ARHGEF18: variants seen among roughly 807,000 people sequenced by gnomAD.
ARHGEF18 encodes Rho/Rac guanine nucleotide exchange factor 18.
Under a neutral mutation model 155.7 loss-of-function variants are expected in ARHGEF18, and 93 were observed. That is an observed-to-expected ratio of 0.60 (90% CI 0.50 to 0.71). The LOEUF (loss-of-function observed/expected upper bound fraction) is 0.71. ARHGEF18 is among the 30% of genes least tolerant of loss of function. The pLI, the probability that ARHGEF18 is intolerant of heterozygous loss-of-function variation, is 0.00. For synonymous variants in ARHGEF18, 742 were observed against 753.1 expected, an observed-to-expected ratio of 0.99 and a Z score of 0.24; for missense variants, 1,593 against 1,816.1, an observed-to-expected ratio of 0.88 and a Z score of 2.23.
At chr19:7,464,538 G>A in intron 22 of ARHGEF18, 22 bp from the exon 23 acceptor site, 1 of 1,600,680 alleles carries the variant, frequency 6.2e-7, no homozygotes, top group Admixed American at 1.7e-5. Flanking sequence ...GCATCCTCAT[G>A]CCCCTGGCTT....
chr19:7,462,415 C>T lies in ARHGEF18; in HGVS notation c.2635+81C>T. The T allele has an allele frequency of 7.0e-7, 1 of 1,429,986 alleles. No homozygotes were observed. The highest frequency in any genetic ancestry group is 9.2e-7 in the Non-Finnish European group (1 of 1,083,738). The allele number at this position is 1,429,986 out of a possible 1,614,324, so 88.6% of individuals were successfully genotyped here. On this transcript the variant is annotated intron_variant, in intron 21 of 28. Coordinates refer to ENST00000668164, the MANE Select transcript of ARHGEF18 (RefSeq NM_001367823.1). This position sits in a 1 kb window ranked among gnomAD's most constrained non-coding sequence, Gnocchi z 4.4. Reference sequence around the variant, plus strand: ...GGAACCCCAGGCCAGGCTCACGGCTCATTGTGGCCGACACGGCACCCTGTC... The same window carrying T: ...GGAACCCCAGGCCAGGCTCACGGCTTATTGTGGCCGACACGGCACCCTGTC...
At position 7,462,391 on chromosome 19, in the gene ARHGEF18, G is replaced by A; in HGVS notation, c.2635+57G>A. The A allele has an allele frequency of 6.7e-7, 1 of 1,500,412 alleles. No homozygotes were observed. 92.9% of individuals were successfully genotyped at this position (1,500,412 alleles called of 1,614,324 possible). On this transcript the variant is annotated intron_variant, in intron 21 of 28. Coordinates refer to ENST00000668164, the MANE Select transcript of ARHGEF18 (RefSeq NM_001367823.1). This position sits in a 1 kb window ranked among gnomAD's most constrained non-coding sequence, Gnocchi z 4.4. ...GTCTTGCCGGGGTGGGCTCCTCAGGGAACCCCAGGCCAGGCTCACGGCTCA... is the reference window on the plus strand; with the variant it reads ...GTCTTGCCGGGGTGGGCTCCTCAGGAAACCCCAGGCCAGGCTCACGGCTCA...
chr19:7,364,275 AAAGG>A (rs1313737041), intron 2 of ARHGEF18, among the ~76,000 whole-genome samples: 1 of 151,282 alleles, frequency 6.6e-6, no homozygotes, highest in Non-Finnish European at 1.5e-5. Flanking sequence ...TGGATAAATG[AAAGG>A]ATGAAGGAAG....
chr19:7,445,914 C>T (rs543226398), intron 14 of ARHGEF18, among the ~76,000 whole-genome samples: 114 of 152,284 alleles, frequency 7.5e-4, no homozygotes, highest in African/African-American at 2.1e-3. Context: ...TGAGCCACTG[C>T]GCCTGGCCTG....
intron 10 of ARHGEF18, among the ~76,000 whole-genome samples, chr19:7,428,315 G>A (rs565597790): frequency 6.6e-6 from 1 of 152,210 alleles, no homozygotes; most frequent in Non-Finnish European, 1.5e-5. Flanking sequence ...CCCATCTGTC[G>A]GGCCAGGCGC....
rs1452562515 is a variant in ARHGEF18 at position 7,444,883 on chromosome 19, C to CT, written c.1611+430dup. ...CAAATTCCTGGCTTAAGCAATCCCC[C>CT]TGCCTCGGCATCCCAAAGTGCAGGG... On this transcript the variant is annotated intron_variant, in intron 14 of 28. Coordinates refer to ENST00000668164, the MANE Select transcript of ARHGEF18 (RefSeq NM_001367823.1). This position sits in a 1 kb window ranked among gnomAD's most constrained non-coding sequence, Gnocchi z 4.7. Among the ~76,000 whole-genome samples, 1 of 152,158 alleles carries CT rather than the reference C, an allele frequency of 6.6e-6. No homozygotes were observed. The highest frequency in any genetic ancestry group is 1.5e-5 in the Non-Finnish European group (1 of 68,036).
At chr19:7,414,678 G>A (rs1387567586) in intron 10 of ARHGEF18, among the ~76,000 whole-genome samples, 1 of 152,190 alleles carries the variant, frequency 6.6e-6, no homozygotes, top group East Asian at 1.9e-4. Flanking sequence ...GCATGGTGGT[G>A]CGTGCCTGTG....
At chr19:7,414,735 G>C (rs1972896649) in intron 10 of ARHGEF18, among the ~76,000 whole-genome samples, 1 of 152,026 alleles carries the variant, frequency 6.6e-6, no homozygotes, top group Non-Finnish European at 1.5e-5. Flanking sequence ...CTTGAACCCG[G>C]GAGGTGGAGG....
rs1347562139 is a variant in ARHGEF18, at chr19:7,471,330, C to T, written c.*1032C>T. 1.3e-5 allele frequency: 2 copies of T among 152,854 alleles called. No individual in the cohort carries two copies. The highest frequency in any genetic ancestry group is 4.8e-5 in the African/African-American group (2 of 41,480). 9.5% of individuals were successfully genotyped at this position (152,854 alleles called of 1,614,324 possible). ...CCTCGCTTGTAGTGAGCTGTTGCAG[C>T]TTACGGTCCGTTCCCTGGAGGGGTG... On this transcript the variant is annotated 3_prime_UTR_variant, in exon 29 of 29. Transcript: ENST00000668164. The surrounding 1 kb of genome is among the most constrained non-coding windows in gnomAD (Gnocchi z 4.4).
intron 2 of ARHGEF18, among the ~76,000 whole-genome samples, chr19:7,367,774 C>A (rs1467157443): frequency 1.6e-5 from 1 of 61,462 alleles, no homozygotes; most frequent in African/African-American, 8.9e-5. Flanking sequence ...TATATATATA[C>A]ACATATATAT....
intron 10 of ARHGEF18, among the ~76,000 whole-genome samples, chr19:7,424,992 CG>C (rs1257608034): frequency 1.4e-5 from 2 of 142,192 alleles, no homozygotes; most frequent in African/African-American, 5.3e-5. Context: ...GACTACGTCT[CG>C]GGGAAAAAAA....
At chr19:7,394,510 C>T (rs1282057518) in intron 10 of ARHGEF18, among the ~76,000 whole-genome samples, 1 of 152,140 alleles carries the variant, frequency 6.6e-6, no homozygotes, top group Middle Eastern at 3.4e-3. Flanking sequence ...TCCGTTGATT[C>T]TTCCAAAACA....
chr19:7,356,987 G>A (rs1969333039), intron 1 of ARHGEF18, among the ~76,000 whole-genome samples: 1 of 152,210 alleles, frequency 6.6e-6, no homozygotes, highest in African/African-American at 2.4e-5. Flanking sequence ...GCTGGGGTTA[G>A]GGGGAGAGAG....
intron 3 of ARHGEF18, among the ~76,000 whole-genome samples, chr19:7,375,033 A>G (rs1330951482): frequency 6.6e-6 from 1 of 152,162 alleles, no homozygotes; most frequent in Non-Finnish European, 1.5e-5. Context: ...GCACTTTGGG[A>G]GGCAGAGTCG....
At chr19:7,431,979 T>C (rs1175000180) in intron 10 of ARHGEF18, among the ~76,000 whole-genome samples, 1 of 152,188 alleles carries the variant, frequency 6.6e-6, no homozygotes, top group Non-Finnish European at 1.5e-5. Flanking sequence ...TGTTTTTGGA[T>C]AGTACCAGGT....
intron 10 of ARHGEF18, among the ~76,000 whole-genome samples, chr19:7,433,507 CAAAAAAAAAAA>C (rs35825715): frequency 1.2e-4 from 7 of 58,284 alleles, no homozygotes; most frequent in East Asian, 6.4e-4. Context: ...ACTCCGTCTC[CAAAAAAAAAAA>C]AAAAAAAAAA....
rs1304739944 is a variant in ARHGEF18, at chr19:7,362,014, A to G, written c.-110-767A>G. On this transcript the variant is annotated intron_variant, in intron 1 of 28. Transcript: ENST00000668164. Reference sequence around the variant, plus strand: ...GTGGAAGAAGAAGAAGAAGAAGAAGAAGGAGAAGGAGAAGGAGAAGGAGAA... The same window carrying G: ...GTGGAAGAAGAAGAAGAAGAAGAAGGAGGAGAAGGAGAAGGAGAAGGAGAA... Among the ~76,000 whole-genome samples, 9 of 49,376 alleles carry G rather than the reference A, an allele frequency of 1.8e-4. No homozygotes were observed. In the South Asian group the frequency reaches 2.9e-3, roughly 16 times the overall value. 32.4% of individuals were successfully genotyped at this position (49,376 alleles called of 152,430 possible).
intron 10 of ARHGEF18, among the ~76,000 whole-genome samples, chr19:7,436,888 A>G (rs558108982): frequency 1.4e-4 from 21 of 152,254 alleles, no homozygotes; most frequent in African/African-American, 4.8e-4. Context: ...TTTGTCTCCT[A>G]TAACAATAGT....
At chr19:7,416,236 TA>T (rs34427454) in intron 10 of ARHGEF18, among the ~76,000 whole-genome samples, 82,651 of 150,734 alleles carry the variant, frequency 0.55, 23,174 homozygotes, top group Middle Eastern at 0.74. Context: ...ACCCTATCTC[TA>T]AAAAAAAAAT....
Sources: gnomAD v4.1 joint callset for allele counts (sites outside exome capture counted in the v4.1 genomes callset) on GRCh38, gnomAD v4.1.1 for gene constraint, Gnocchi (gnomAD v3.1) non-coding constraint, MANE v1.5 for transcripts, NCBI Gene and HGNC (gene_info 2026-07-23, HGNC 2026-07-21) for gene names.